Variants in SLC45A1 observed in about 807,000 individuals in gnomAD.
SLC45A1 encodes the protein solute carrier family 45 member 1.
Under a neutral mutation model 57.6 loss-of-function variants are expected in SLC45A1, and 28 were observed. The ratio of observed to expected loss-of-function variants is 0.49; its 90% CI spans 0.36 to 0.67. The LOEUF is 0.67. Among genes scored for constraint, SLC45A1 ranks in the 30% least tolerant of loss-of-function variants. The pLI is 0.00. For synonymous variants in SLC45A1, 459 were observed against 471.5 expected (o/e 0.97, Z 0.34); for missense variants, 814 against 1,041.5 (o/e 0.78, Z 3.01).
intron 5 of SLC45A1, among the ~76,000 whole-genome samples, chr1:8,332,604 C>T (rs1216495174): frequency 9.2e-5 from 14 of 151,630 alleles, no homozygotes; most frequent in East Asian, 3.9e-4. Flanking sequence ...CTCTGCCTCC[C>T]GGGTTCAAGT....
chr1:8,327,027 C>T lies in SLC45A1; in HGVS notation c.715+985C>T, dbSNP rs911767338. Reference sequence around the variant, plus strand: ...CACCAACTCTTGTTTCCAGTATGAGCGTGGAGACGAGAAGGCAGAGCTCAG... The same window carrying T: ...CACCAACTCTTGTTTCCAGTATGAGTGTGGAGACGAGAAGGCAGAGCTCAG... On this transcript the variant is annotated intron_variant, in intron 4 of 8. Transcript: ENST00000471889. This position sits in a 1 kb window ranked among gnomAD's most constrained non-coding sequence, Gnocchi z 4.3. 2.0e-5 allele frequency among the ~76,000 whole-genome samples: 3 copies of T among 152,152 alleles called. No individual in the cohort carries two copies. The highest frequency in any genetic ancestry group is 4.8e-5 in the African/African-American group (2 of 41,426).
intron 1 of SLC45A1, 32 bp from the exon 2 acceptor site, chr1:8,324,274 A>T: frequency 6.4e-7 from 1 of 1,572,108 alleles, no homozygotes; most frequent in Non-Finnish European, 8.7e-7. Flanking sequence ...AGGCAAAAGT[A>T]ACTGTGGCCT....
chr1:8,324,801 T>A (rs146031759), intron 2 of SLC45A1, 75 bp downstream of exon 2: 18,560 of 1,373,068 alleles, frequency 0.014, 151 homozygotes, highest in Non-Finnish European at 0.016. Flanking sequence ...AGCCTGAGGG[T>A]CCTGAGGGGA....
chr1:8,337,012 T>TA (rs1428779026), intron 6 of SLC45A1, among the ~76,000 whole-genome samples: 1 of 149,470 alleles, frequency 6.7e-6, no homozygotes, highest in Non-Finnish European at 1.5e-5. Flanking sequence ...TGGTTTAAAA[T>TA]AAAAAAATTG....
At chr1:8,323,969 CT>C (rs1457156690) in intron 1 of SLC45A1, among the ~76,000 whole-genome samples, 2 of 152,214 alleles carry the variant, frequency 1.3e-5, no homozygotes, top group Non-Finnish European at 2.9e-5. Flanking sequence ...CTAAAATAGC[CT>C]GGTGTCCTTG....
Position 8,324,500 on chromosome 1 carries a change from T to TCCCGGCCCC in SLC45A1, c.174_175insGGCCCCCCC (p.Pro58_Ser59insGlyProPro). ...ACCCCAAGAGGAGGAAGTGCATTCG[T>TCCCGGCCCC]CCCTCCCCACCCCCGCCCCCCAACA... On this transcript the variant is annotated inframe_insertion, in exon 2 of 9. Coordinates refer to ENST00000471889, the MANE Select transcript of SLC45A1 (RefSeq NM_001080397.3). 3 of 1,610,684 alleles carry TCCCGGCCCC rather than the reference T, an allele frequency of 1.9e-6. No homozygotes were observed. Among genetic ancestry groups the TCCCGGCCCC allele is most frequent in the South Asian group, 1.1e-5 (1 of 91,006 alleles).
chr1:8,335,472 G>A lies in SLC45A1; in HGVS notation c.1479G>A (p.Glu493=), dbSNP rs771920541. Reference sequence around the variant, plus strand: ...TCCTGCTCAACGGCGTGAAGTATGAGAGCGAGCTGACGGGCTCCAGCGAGC... The same window carrying A: ...TCCTGCTCAACGGCGTGAAGTATGAAAGCGAGCTGACGGGCTCCAGCGAGC... The part of the protein sequence containing the change: ...ANILLNGVKY[E]SELTGSSERA... The change falls in exon 6 of 9, where the codon GAG becomes GAA. Residue 493 remains glutamate (E), a synonymous_variant. Coordinates refer to ENST00000471889, the MANE Select transcript of SLC45A1 (RefSeq NM_001080397.3). This position sits in a 1 kb window ranked among gnomAD's most constrained non-coding sequence, Gnocchi z 4.1. 6.3e-7 allele frequency: 1 copy of A among 1,599,918 alleles called. No individual in the cohort carries two copies. Among genetic ancestry groups the A allele is most frequent in the Non-Finnish European group, 8.5e-7 (1 of 1,179,082 alleles).
rs1390021135 is a variant in SLC45A1 at position 8,318,178 on chromosome 1, C to T, written c.-33C>T. 5 of 443,020 alleles carry T rather than the reference C, an allele frequency of 1.1e-5. No homozygotes were observed. Among genetic ancestry groups the T allele is most frequent in the Non-Finnish European group, 2.1e-5 (5 of 241,566 alleles). The allele number at this position is 443,020 out of a possible 1,614,324, so 27.4% of individuals were successfully genotyped here. On this transcript the variant is annotated 5_prime_UTR_variant, in exon 1 of 9. Transcript: ENST00000471889. The stretch of plus-strand genomic sequence containing the variant: ...CGGGGACAGGGATGCCTGCCGTCTC[C>T]ACCCACAGGTACCACCGTCTCCTCC...
chr1:8,324,918 A>G (rs971873418), intron 2 of SLC45A1, among the ~76,000 whole-genome samples, 192 bp downstream of exon 2: 4 of 152,158 alleles, frequency 2.6e-5, no homozygotes, highest in Admixed American at 2.6e-4. Context: ...AAAGCAGACA[A>G]TAGAACAGGG....
chr1:8,322,300 A>G (rs868148694), intron 1 of SLC45A1, among the ~76,000 whole-genome samples: 2 of 1,156 alleles, frequency 1.7e-3, no homozygotes, highest in Non-Finnish European at 2.6e-3. Flanking sequence ...GGATGGATGG[A>G]TGGATGGATG....
chr1:8,339,879 C>A (rs1640756461), intron 8 of SLC45A1, among the ~76,000 whole-genome samples, 181 bp downstream of exon 8: 1 of 152,218 alleles, frequency 6.6e-6, no homozygotes, highest in South Asian at 2.1e-4. Context: ...TGCCTGTAAT[C>A]CCCTCATTGC....
At position 8,343,350 on chromosome 1, in the gene SLC45A1, G is replaced by C. The variant is rs1640890236; in HGVS notation, c.1981-397G>C. Among the ~76,000 whole-genome samples, 2 of 152,196 alleles carry C rather than the reference G, an allele frequency of 1.3e-5. No homozygotes were observed. The highest frequency in any genetic ancestry group is 2.9e-5 in the Non-Finnish European group (2 of 68,038). ...GGACCAGCGGCTGTCATGTGCAGAG[G>C]ACTTTGGGGGTGTAGGGCAGGTCCC... On this transcript the variant is annotated intron_variant, in intron 8 of 8. Coordinates refer to ENST00000471889, the MANE Select transcript of SLC45A1 (RefSeq NM_001080397.3). This position sits in a 1 kb window ranked among gnomAD's most constrained non-coding sequence, Gnocchi z 7.7.
chr1:8,323,863 G>T (rs915581355), intron 1 of SLC45A1, among the ~76,000 whole-genome samples: 1 of 152,218 alleles, frequency 6.6e-6, no homozygotes, highest in East Asian at 1.9e-4. Context: ...GGGTGCCGGG[G>T]GGGTGGTTCC....
chr1:8,319,463 C>CT (rs1374633189), intron 1 of SLC45A1, among the ~76,000 whole-genome samples: 1 of 152,230 alleles, frequency 6.6e-6, no homozygotes, highest in African/African-American at 2.4e-5. Flanking sequence ...GCCGCTTAAA[C>CT]TTCCCACAAC....
At chr1:8,340,774 C>T (rs1640783684) in intron 8 of SLC45A1, among the ~76,000 whole-genome samples, 1 of 152,150 alleles carries the variant, frequency 6.6e-6, no homozygotes, top group Non-Finnish European at 1.5e-5. Flanking sequence ...ATTATTTGGA[C>T]AGGCCTGAGT....
At position 8,326,148 on chromosome 1, in the gene SLC45A1, A is replaced by G; in HGVS notation, c.715+106A>G. 1 of 825,800 alleles carries G rather than the reference A, an allele frequency of 1.2e-6. No individual in the cohort carries two copies. The highest frequency in any genetic ancestry group is 1.9e-6 in the Non-Finnish European group (1 of 524,966). The allele number at this position is 825,800 out of a possible 1,614,324, so 51.2% of individuals were successfully genotyped here. On this transcript the variant is annotated intron_variant, in intron 4 of 8. Coordinates refer to ENST00000471889, the MANE Select transcript of SLC45A1 (RefSeq NM_001080397.3). The surrounding 1 kb of genome is among the most constrained non-coding windows in gnomAD (Gnocchi z 5.5). ...TCCCTGATTTAACAAAGAAGCTGGG[A>G]GAATTCCAATACATGGAGAAACACT...
chr1:8,343,633 G>A lies in SLC45A1; in HGVS notation c.1981-114G>A. 1.7e-6 allele frequency: 2 copies of A among 1,161,184 alleles called. No individual in the cohort carries two copies. The highest frequency in any genetic ancestry group is 2.4e-6 in the Non-Finnish European group (2 of 824,172). 71.9% of individuals were successfully genotyped at this position (1,161,184 alleles called of 1,614,324 possible). ...TGTGCATGTTGGCGCTGAAAAATGT[G>A]AGGCCGCTGTGTGTGGGCCGCTCGG... On this transcript the variant is annotated intron_variant, in intron 8 of 8. Transcript: ENST00000471889. The surrounding 1 kb of genome is among the most constrained non-coding windows in gnomAD (Gnocchi z 7.7).
chr1:8,332,397 G>A (rs1467226952), intron 5 of SLC45A1, among the ~76,000 whole-genome samples: 3 of 152,166 alleles, frequency 2.0e-5, no homozygotes, highest in Non-Finnish European at 2.9e-5. Context: ...CTTCCACGAA[G>A]GCCAAGAACC....
In SLC45A1 at chr1:8,335,562, A is replaced by G; in HGVS notation, c.1569A>G (p.Leu523=). The change falls in exon 6 of 9, where the codon CTA becomes CTG. Residue 523 remains leucine (L), a synonymous_variant. Transcript: ENST00000471889. The surrounding 1 kb of genome is among the most constrained non-coding windows in gnomAD (Gnocchi z 4.1). ...CSTICNMPKA[L]RTLCVNHFLG... ...CCATCTGCAACATGCCCAAGGCGCTACGCACCCTCTGCGTCAACCACTTCC... is the reference window on the plus strand; with the variant it reads ...CCATCTGCAACATGCCCAAGGCGCTGCGCACCCTCTGCGTCAACCACTTCC... 1 of 1,606,280 alleles carries G rather than the reference A, an allele frequency of 6.2e-7. No individual in the cohort carries two copies. The highest frequency in any genetic ancestry group is 8.5e-7 in the Non-Finnish European group (1 of 1,179,114).
Sources: gnomAD v4.1 joint callset for allele counts (sites outside exome capture counted in the v4.1 genomes callset) on GRCh38, gnomAD v4.1.1 for gene constraint, Gnocchi (gnomAD v3.1) non-coding constraint, MANE v1.5 for transcripts, NCBI Gene and HGNC (gene_info 2026-07-23, HGNC 2026-07-21) for gene names.